Variants in MYBL2 observed in about 807,000 individuals in gnomAD.
MYBL2 encodes the protein myb-related protein B.
MYBL2 carries 28 observed loss-of-function variants against 79.9 expected under a neutral mutation model. The ratio of observed to expected loss-of-function variants is 0.35; its 90% CI spans 0.26 to 0.48. The LOEUF (loss-of-function observed/expected upper bound fraction) is 0.48. MYBL2 is among the 20% of genes least tolerant of loss of function. MYBL2 has a pLI of 0.99. For missense variants in MYBL2, 735 were observed against 893.9 expected, an observed-to-expected ratio of 0.82 and a Z score of 2.27; for synonymous variants, 378 against 361.2, an observed-to-expected ratio of 1.05 and a Z score of -0.53.
chr20:43,677,259 A>G (rs935837208), intron 2 of MYBL2, among the ~76,000 whole-genome samples: 1 of 152,214 alleles, frequency 6.6e-6, no homozygotes, highest in African/African-American at 2.4e-5. Context: ...GACCGTGTGC[A>G]GGTCCCTGGA....
chr20:43,693,723 T>C (rs1987468912), intron 6 of MYBL2, among the ~76,000 whole-genome samples: 1 of 152,204 alleles, frequency 6.6e-6, no homozygotes, highest in African/African-American at 2.4e-5. Flanking sequence ...TTTATTTATA[T>C]TTTTTAGCTA....
chr20:43,678,331 GAA>G (rs11470203), intron 2 of MYBL2, among the ~76,000 whole-genome samples: 140 of 142,974 alleles, frequency 9.8e-4, no homozygotes, highest in African/African-American at 3.4e-3. Context: ...AAGAAAGAAA[GAA>G]AAAAAAAAAA....
Position 43,699,890 on chromosome 20 carries a change from C to T in MYBL2, c.797C>T (p.Thr266Ile), listed in dbSNP as rs776807016. The change falls in exon 7 of 14, where the codon ACA becomes ATA. Residue 266 changes from threonine (T) to isoleucine (I), a missense_variant. Around this residue, in one of 5 missense-constraint regions of MYBL2, gnomAD observed 144 missense variants for 131.9 expected, o/e 1.09. Transcript: ENST00000217026. ...PIGTDLDAVR[T>I]PEPLEEFPKR... The stretch of plus-strand genomic sequence containing the variant: ...GGTACAGATCTGGACGCAGTGCGAA[C>T]ACCAGAGCCCTTGGAGGAATTCCCG... 6.2e-6 allele frequency: 10 copies of T among 1,614,104 alleles called. 1 individual carries two copies. The South Asian group carries it at 9.9e-5, about 16-fold the overall frequency.
At chr20:43,713,311 C>T (rs564146375) in intron 12 of MYBL2, among the ~76,000 whole-genome samples, 2 of 151,974 alleles carry the variant, frequency 1.3e-5, no homozygotes, top group South Asian at 4.2e-4. Flanking sequence ...CAGAGTTGCG[C>T]GGCTAGGACA....
chr20:43,698,146 C>T (rs1297199899), intron 6 of MYBL2, among the ~76,000 whole-genome samples: 1 of 142,762 alleles, frequency 7.0e-6, no homozygotes, highest in Non-Finnish European at 1.5e-5. Context: ...CATGTAGTAA[C>T]TATTTTTTCC....
At chr20:43,668,436 G>T (rs1455272403) in intron 1 of MYBL2, among the ~76,000 whole-genome samples, 1 of 152,034 alleles carries the variant, frequency 6.6e-6, no homozygotes, top group African/African-American at 2.4e-5. Flanking sequence ...TCCTGACCTT[G>T]TGTTCCGCCC....
chr20:43,691,842 A>AT (rs879641028), intron 5 of MYBL2, among the ~76,000 whole-genome samples: 2,378 of 142,580 alleles, frequency 0.017, 53 homozygotes, highest in African/African-American at 0.051. Flanking sequence ...GCACTCGGCA[A>AT]TTTTTTTTTT....
chr20:43,688,255 G>A (rs1037828031), intron 5 of MYBL2, among the ~76,000 whole-genome samples: 6 of 151,628 alleles, frequency 4.0e-5, no homozygotes, highest in African/African-American at 1.5e-4. Context: ...AGGCTGGAGT[G>A]CAGTGGCGTG....
chr20:43,684,707 G>A lies in MYBL2; in HGVS notation c.279+1821G>A, dbSNP rs117563111. Among the ~76,000 whole-genome samples the A allele has an allele frequency of 1.2e-3, 189 of 151,816 alleles. 2 individuals are homozygous for A. The highest frequency in any genetic ancestry group is 0.012 in the East Asian group (62 of 5,166). On this transcript the variant is annotated intron_variant, in intron 4 of 13. Transcript: ENST00000217026. ...AAAATTAATTTTTAAGTAACTCGGC[G>A]TGGTGGTGGGGTGCCTGTAGTTGGG... is the stretch of plus-strand genomic sequence containing the variant.
intron 6 of MYBL2, among the ~76,000 whole-genome samples, chr20:43,696,515 C>G (rs1254162042): frequency 6.6e-6 from 1 of 152,268 alleles, no homozygotes; most frequent in Non-Finnish European, 1.5e-5. Context: ...GCCACCACAC[C>G]AGGCTTAAAA....
Position 43,715,994 on chromosome 20 carries a change from G to T in MYBL2, c.2010G>T (p.Gly670=). 2 of 1,612,278 alleles carry T rather than the reference G, an allele frequency of 1.2e-6. No homozygotes were observed. The highest frequency in any genetic ancestry group is 1.1e-5 in the South Asian group (1 of 91,024). ...SSAWKTVACG[G]TRDQLFMQEK... is the part of the protein sequence containing the mutation. ...CCTGGAAGACGGTGGCCTGCGGGGGGACCAGGGACCAGCTTTTCATGCAGG... is the reference window on the plus strand; with the variant it reads ...CCTGGAAGACGGTGGCCTGCGGGGGTACCAGGGACCAGCTTTTCATGCAGG... Residue 670 remains glycine (G), a synonymous_variant, in exon 14 of 14, where the codon GGG becomes GGT. Transcript: ENST00000217026.
chr20:43,693,110 G>A (rs1987451890), intron 6 of MYBL2, among the ~76,000 whole-genome samples: 1 of 152,080 alleles, frequency 6.6e-6, no homozygotes, highest in Non-Finnish European at 1.5e-5. Flanking sequence ...TTGGCTCACT[G>A]TAACCTCTGC....
chr20:43,686,716 T>A, intron 4 of MYBL2, 136 bp from the exon 5 acceptor site: 1 of 805,004 alleles, frequency 1.2e-6, no homozygotes, highest in African/African-American at 1.7e-5. Flanking sequence ...CCCCTGCAGC[T>A]CGCTCAGTGT....
intron 3 of MYBL2, 61 bp from the exon 4 acceptor site, chr20:43,682,733 C>A: frequency 6.6e-7 from 1 of 1,524,872 alleles, no homozygotes; most frequent in Non-Finnish European, 9.1e-7. Context: ...CTTAACCAGG[C>A]CCCCAGCCCG....
At chr20:43,710,552 A>G (rs962818853) in intron 10 of MYBL2, among the ~76,000 whole-genome samples, 1 of 152,086 alleles carries the variant, frequency 6.6e-6, no homozygotes, top group African/African-American at 2.4e-5. Context: ...TGTTTTCTCT[A>G]TGAAAAAAGG....
At chr20:43,707,354 C>G (rs1055740345) in intron 9 of MYBL2, among the ~76,000 whole-genome samples, 7 of 151,962 alleles carry the variant, frequency 4.6e-5, no homozygotes, top group Admixed American at 1.3e-4. Context: ...GGCATTGATA[C>G]TTCTCTCTCT....
chr20:43,681,901 G>A, intron 3 of MYBL2, 46 bp downstream of exon 3: 1 of 1,595,536 alleles, frequency 6.3e-7, no homozygotes, highest in Non-Finnish European at 8.6e-7. Flanking sequence ...AAGGGCTCTG[G>A]GAGAACAGTG....
intron 4 of MYBL2, among the ~76,000 whole-genome samples, chr20:43,685,142 T>C (rs1222130974): frequency 9.9e-5 from 5 of 50,350 alleles, no homozygotes; most frequent in South Asian, 7.0e-4. Context: ...AGCGAAACTC[T>C]GTCTCAAAAA....
intron 1 of MYBL2, among the ~76,000 whole-genome samples, chr20:43,673,025 C>A (rs1429457131): frequency 6.6e-6 from 1 of 152,020 alleles, no homozygotes; most frequent in Non-Finnish European, 1.5e-5. Flanking sequence ...CTCATTGCAA[C>A]CTTCACCTCC....
Sources: allele counts gnomAD v4.1 joint callset (sites outside exome capture counted in the v4.1 genomes callset), GRCh38; gene constraint gnomAD v4.1.1; regional missense constraint gnomAD v4.1.1; transcripts MANE v1.5; gene names NCBI Gene and HGNC (gene_info 2026-07-23, HGNC 2026-07-21).